FOCAD: variants seen among roughly 807,000 people sequenced by gnomAD.
FOCAD encodes the protein focadhesin.
A neutral mutation model predicts 225.6 loss-of-function variants in FOCAD; 198 were observed. That is an observed-to-expected ratio of 0.88 (90% confidence interval 0.78 to 0.99). The LOEUF (loss-of-function observed/expected upper bound fraction) is 0.99. Among genes scored for constraint, FOCAD ranks in the 50% least tolerant of loss-of-function variants. The pLI is 0.00. For missense variants in FOCAD, 2,713 were observed against 2,123.6 expected (o/e 1.28, Z -5.46); for synonymous variants, 897 against 755.0 (o/e 1.19, Z -3.08).
intron 21 of FOCAD, chr9:20,897,139 A>G (rs758191850): frequency 6.6e-6 from 1 of 151,814 alleles, no homozygotes; most frequent in African/African-American, 2.4e-5. Flanking sequence ...CATTTATTAT[A>G]TAATGTCCCT....
At chr9:20,810,843 A>G (rs1477867120) in intron 11 of FOCAD, among the ~76,000 whole-genome samples, 1 of 152,016 alleles carries the variant, frequency 6.6e-6, no homozygotes, top group African/African-American at 2.4e-5. Flanking sequence ...ATTTGACTTT[A>G]TCTTATTCTA....
At chr9:20,932,395 T>A (rs1251752780) in intron 27 of FOCAD, among the ~76,000 whole-genome samples, 4 of 152,170 alleles carry the variant, frequency 2.6e-5, no homozygotes, top group African/African-American at 9.7e-5. Flanking sequence ...AGCCCACAAA[T>A]CTGCCTGGAG....
rs140026391 is a variant in FOCAD at position 20,954,597 on chromosome 9, G to A, written c.4132+1532G>A. 2.7e-3 allele frequency among the ~76,000 whole-genome samples: 411 copies of A among 152,194 alleles called. 4 individuals carry two copies. The highest frequency in any genetic ancestry group is 9.0e-3 in the African/African-American group (372 of 41,538). ...TTGAATGTAACATTTTTATGATTCTGTAGTCATCATACAACAGGAAATGTT... is the reference window on the plus strand; with the variant it reads ...TTGAATGTAACATTTTTATGATTCTATAGTCATCATACAACAGGAAATGTT... On this transcript the variant is annotated intron_variant, in intron 35 of 43. Transcript: ENST00000338382.
At chr9:20,807,840 A>G (rs1209228788) in intron 11 of FOCAD, among the ~76,000 whole-genome samples, 6 of 152,198 alleles carry the variant, frequency 3.9e-5, no homozygotes, top group Non-Finnish European at 4.4e-5. Context: ...ACTCGAGGCC[A>G]GGAGTTTGAG....
Position 20,944,531 on chromosome 9 carries a change from C to T in FOCAD, c.3408-96C>T, listed in dbSNP as rs529258262. Reference sequence around the variant, plus strand: ...GCAGAATTTGAATCCAGCCATCTCACCAAGGTTTGAGAGCTCTGTAAACAC... The same window carrying T: ...GCAGAATTTGAATCCAGCCATCTCATCAAGGTTTGAGAGCTCTGTAAACAC... On this transcript the variant is annotated intron_variant, in intron 28 of 43. Transcript: ENST00000338382. 1.7e-4 allele frequency: 239 copies of T among 1,397,698 alleles called. 3 individuals are homozygous for T. The South Asian group carries it at 3.0e-3, about 18-fold the overall frequency. The allele number at this position is 1,397,698 out of a possible 1,614,324, so 86.6% of individuals were successfully genotyped here.
rs1209673231 is a variant in FOCAD at position 20,986,439 on chromosome 9, C to T, written c.4880C>T (p.Ala1627Val). ...AWMILHSLYQ[A>V]RIVSHANTGV... ...ATGATTCTGCACAGCTTATACCAGGCACGGATTGTGAGCCATGCCAATACG... is the reference window on the plus strand; with the variant it reads ...ATGATTCTGCACAGCTTATACCAGGTACGGATTGTGAGCCATGCCAATACG... Residue 1627 changes from alanine to valine, a missense_variant, in exon 40 of 44, where the codon GCA (alanine) becomes GTA (valine). Transcript: ENST00000338382. 1.9e-6 allele frequency: 3 copies of T among 1,611,428 alleles called. No individual in the cohort carries two copies. The African/African-American group carries it at 4.0e-5, about 22-fold the overall frequency.
Position 20,820,395 on chromosome 9 carries a change from G to A in FOCAD, c.1632G>A (p.Leu544=). ...CACCACGACTAAGAGCTGTCACTTT[G>A]CGCTTGCTGACATCTTTGTGGGAAA... is the stretch of plus-strand genomic sequence containing the variant. ...GTTPRLRAVT[L]RLLTSLWEKQ... is the part of the protein sequence containing the mutation. The change falls in exon 13 of 44, where the codon TTG becomes TTA. Residue 544 remains leucine, a synonymous_variant. Coordinates refer to ENST00000338382, the MANE Select transcript of FOCAD (RefSeq NM_001375567.1). The A allele has an allele frequency of 1.2e-6, 2 of 1,612,848 alleles. No homozygotes were observed. The highest frequency in any genetic ancestry group is 1.7e-6 in the Non-Finnish European group (2 of 1,179,306).
At chr9:20,982,249 C>T in intron 38 of FOCAD, 108 bp from the exon 39 acceptor site, 1 of 669,444 alleles carries the variant, frequency 1.5e-6, no homozygotes, top group Non-Finnish European at 2.4e-6. Flanking sequence ...AAATTAAAAT[C>T]TCATCAGCTG....
In FOCAD at chr9:20,938,478, G is replaced by A. The variant is rs1372484350; in HGVS notation, c.3407+5375G>A. On this transcript the variant is annotated intron_variant, in intron 28 of 43. Coordinates refer to ENST00000338382, the MANE Select transcript of FOCAD (RefSeq NM_001375567.1). Reference sequence around the variant, plus strand: ...CATCATTCTCAGCAAACTGTCGCAAGGACAAAAACCAAACACCACATGTTC... The same window carrying A: ...CATCATTCTCAGCAAACTGTCGCAAAGACAAAAACCAAACACCACATGTTC... 2.6e-5 allele frequency among the ~76,000 whole-genome samples: 4 copies of A among 151,870 alleles called. No individual in the cohort carries two copies. The East Asian group carries it at 7.8e-4, about 29-fold the overall frequency.
At chr9:20,937,739 T>C (rs1836146689) in intron 28 of FOCAD, among the ~76,000 whole-genome samples, 1 of 151,586 alleles carries the variant, frequency 6.6e-6, no homozygotes, top group Non-Finnish European at 1.5e-5. Context: ...GGGATCTAAT[T>C]AAACTAAAGA....
chr9:20,823,200 A>C, intron 15 of FOCAD, 85 bp downstream of exon 15: 2 of 1,394,754 alleles, frequency 1.4e-6, no homozygotes, highest in Non-Finnish European at 1.9e-6. Flanking sequence ...GATTAGATTC[A>C]AATAACTGAA....
chr9:20,988,387 T>C lies in FOCAD; in HGVS notation c.4962T>C (p.Val1654=), dbSNP rs775368558. 21 of 1,611,868 alleles carry C rather than the reference T, an allele frequency of 1.3e-5. No homozygotes were observed. The highest frequency in any genetic ancestry group is 1.7e-5 in the Non-Finnish European group (20 of 1,178,776). Residue 1654 remains valine (V), a synonymous_variant, in exon 41 of 44, where the codon GTT becomes GTC. Coordinates refer to ENST00000338382, the MANE Select transcript of FOCAD (RefSeq NM_001375567.1). ...AACTGATGGGTTATATTAGAAATGTTGCTTACCAGTCAACATCCTTTCACA... is the reference window on the plus strand; with the variant it reads ...AACTGATGGGTTATATTAGAAATGTCGCTTACCAGTCAACATCCTTTCACA... ...LLELMGYIRN[V]AYQSTSFHNT... is the part of the protein sequence containing the mutation.
intron 6 of FOCAD, among the ~76,000 whole-genome samples, chr9:20,760,790 C>T (rs1266013823): frequency 6.6e-6 from 1 of 152,094 alleles, no homozygotes; most frequent in African/African-American, 2.4e-5. Context: ...TGATGCTTGG[C>T]ACATTTCTAG....
chr9:20,914,685 C>T (rs1320132313), intron 23 of FOCAD, among the ~76,000 whole-genome samples: 5 of 151,982 alleles, frequency 3.3e-5, no homozygotes, highest in East Asian at 3.9e-4. Context: ...TAGAGAAGTT[C>T]GGGAGATTGC....
Position 20,823,074 on chromosome 9 carries a change from G to T in FOCAD, c.1879G>T (p.Ala627Ser). 1 of 1,609,142 alleles carries T rather than the reference G, an allele frequency of 6.2e-7. No individual in the cohort carries two copies. Among genetic ancestry groups the T allele is most frequent in the Non-Finnish European group, 8.5e-7 (1 of 1,178,076 alleles). The change falls in exon 15 of 44, where the codon GCC (alanine) becomes TCC (serine). Residue 627 changes from alanine to serine, a missense_variant. Ala to Ser is a moderately conservative substitution (Grantham distance 99). Transcript: ENST00000338382. ...CAAGCCTGATCAAGCTACTCCAGCAGCCTTGGTATTACAGGGTCTTCATGC... is the reference window on the plus strand; with the variant it reads ...CAAGCCTGATCAAGCTACTCCAGCATCCTTGGTATTACAGGGTCTTCATGC... Reference protein sequence around the residue: ...CTKPDQATPAALVLQGLHALC... With the variant: ...CTKPDQATPASLVLQGLHALC...
chr9:20,758,799 T>G (rs1400386712), intron 6 of FOCAD, among the ~76,000 whole-genome samples: 1 of 152,120 alleles, frequency 6.6e-6, no homozygotes, highest in Non-Finnish European at 1.5e-5. Flanking sequence ...ATAAAGGGTA[T>G]TCAATTATGA....
intron 1 of FOCAD, among the ~76,000 whole-genome samples, chr9:20,701,128 T>C (rs544147559): frequency 6.6e-6 from 1 of 152,374 alleles, no homozygotes; most frequent in Admixed American, 6.5e-5. Context: ...CTCTCCACTT[T>C]GTCCTCTCAA....
At chr9:20,942,923 A>C (rs916572928) in intron 28 of FOCAD, among the ~76,000 whole-genome samples, 1 of 152,238 alleles carries the variant, frequency 6.6e-6, no homozygotes, top group Non-Finnish European at 1.5e-5. Context: ...TCTCTGAGGA[A>C]GTAACATTTG....
At chr9:20,807,644 A>G (rs998999629) in intron 11 of FOCAD, among the ~76,000 whole-genome samples, 1 of 152,238 alleles carries the variant, frequency 6.6e-6, no homozygotes, top group Admixed American at 6.5e-5. Context: ...CAGAGTAGCT[A>G]CATTTCAAAT....
Sources: gnomAD v4.1 joint callset for allele counts (sites outside exome capture counted in the v4.1 genomes callset) on GRCh38, gnomAD v4.1.1 for gene constraint, MANE v1.5 for transcripts, NCBI Gene and HGNC (gene_info 2026-07-23, HGNC 2026-07-21) for gene names.